The following RBFOX1 variants were observed in gnomAD, a reference collection of about 807,000 sequenced individuals.
RBFOX1 encodes RNA binding fox-1 homolog 1, also known as RNA binding protein fox-1 homolog 1.
A neutral mutation model predicts 57.7 loss-of-function variants in RBFOX1; 8 were observed. The ratio of observed to expected loss-of-function variants is 0.14; its 90% CI spans 0.08 to 0.25. The LOEUF is 0.25. Ranked by LOEUF, RBFOX1 falls within the 10% of genes least tolerant of loss-of-function variation. The pLI is 1.00. For missense variants in RBFOX1, 611 were observed against 548.5 expected (o/e 1.11, Z -1.14); for synonymous variants, 326 against 222.4 (o/e 1.47, Z -4.15).
intron 3 of RBFOX1, among the ~76,000 whole-genome samples, chr16:5,735,869 C>G (rs904930505): frequency 6.6e-6 from 1 of 152,128 alleles, no homozygotes; most frequent in Non-Finnish European, 1.5e-5. Flanking sequence ...GAGCAAGACT[C>G]TGTCTCAAAA....
chr16:6,963,677 T>C (rs2083475583), intron 3 of RBFOX1, among the ~76,000 whole-genome samples: 1 of 152,038 alleles, frequency 6.6e-6, no homozygotes, highest in African/African-American at 2.4e-5. Context: ...AGGCAGAGCA[T>C]AGAGGATTTA....
At chr16:5,341,858 C>T (rs1306195221) in intron 1 of RBFOX1, among the ~76,000 whole-genome samples, 1 of 152,122 alleles carries the variant, frequency 6.6e-6, no homozygotes, top group East Asian at 1.9e-4. Context: ...AGTTAGGCAT[C>T]CCAGCAGAGC....
chr16:5,766,297 C>G (rs1215842530), intron 3 of RBFOX1, among the ~76,000 whole-genome samples: 2 of 152,068 alleles, frequency 1.3e-5, no homozygotes, highest in East Asian at 1.9e-4. Context: ...CTTTAAAATA[C>G]AGATCTGGGC....
intron 4 of RBFOX1, among the ~76,000 whole-genome samples, chr16:7,359,446 A>G (rs561433217): frequency 6.6e-6 from 1 of 152,330 alleles, no homozygotes; most frequent in Admixed American, 6.5e-5. Flanking sequence ...ATTTACCTTC[A>G]TTAAATAACT....
At chr16:6,637,264 AATATATAT>A (rs1309665125) in intron 2 of RBFOX1, among the ~76,000 whole-genome samples, 10 of 47,272 alleles carry the variant, frequency 2.1e-4, no homozygotes, top group African/African-American at 1.3e-3. Context: ...ATAATATACA[AATATATAT>A]TATATATTAT....
intron 4 of RBFOX1, among the ~76,000 whole-genome samples, chr16:7,088,591 A>G (rs2060337067): frequency 6.6e-6 from 1 of 152,150 alleles, no homozygotes; most frequent in African/African-American, 2.4e-5. Context: ...TGAAGTGGTA[A>G]CCCGTAGTTA....
At chr16:5,381,435 C>T (rs751357963) in intron 1 of RBFOX1, among the ~76,000 whole-genome samples, 8 of 152,230 alleles carry the variant, frequency 5.3e-5, no homozygotes, top group African/African-American at 9.6e-5. Context: ...ATCTGGCTCA[C>T]GTGCAGATTT....
At chr16:5,342,725 A>G (rs1453235560) in intron 1 of RBFOX1, among the ~76,000 whole-genome samples, 1 of 152,120 alleles carries the variant, frequency 6.6e-6, no homozygotes, top group Non-Finnish European at 1.5e-5. Context: ...CCCAAAGCTC[A>G]TTTCACCTCT....
intron 3 of RBFOX1, among the ~76,000 whole-genome samples, chr16:6,718,903 C>A (rs2065369875): frequency 6.6e-6 from 1 of 151,870 alleles, no homozygotes; most frequent in Non-Finnish European, 1.5e-5. Context: ...TGTACTGTTG[C>A]CTAGGCTGGA....
At chr16:6,625,718 G>C (rs956469753) in intron 2 of RBFOX1, among the ~76,000 whole-genome samples, 1 of 150,614 alleles carries the variant, frequency 6.6e-6, no homozygotes, top group African/African-American at 2.4e-5. Flanking sequence ...TCTTGTTTCT[G>C]TTATTTCCAC....
chr16:7,386,321 T>A (rs1271116978), intron 4 of RBFOX1, among the ~76,000 whole-genome samples: 3 of 152,088 alleles, frequency 2.0e-5, no homozygotes, highest in Non-Finnish European at 4.4e-5. Context: ...GCCATGGTGG[T>A]TGCTGCACCC....
intron 1 of RBFOX1, among the ~76,000 whole-genome samples, chr16:6,022,065 C>T (rs1292394326): frequency 1.3e-5 from 2 of 152,152 alleles, no homozygotes; most frequent in Non-Finnish European, 2.9e-5. Flanking sequence ...CTGCTCTCTG[C>T]ATGTTCCAAG....
At chr16:5,609,588 C>G (rs1302526016) in intron 3 of RBFOX1, among the ~76,000 whole-genome samples, 3 of 152,178 alleles carry the variant, frequency 2.0e-5, no homozygotes, top group Admixed American at 6.5e-5. Flanking sequence ...CAGCGTCACT[C>G]CAGGCCAGAG....
At chr16:5,970,986 A>G (rs951108810) in intron 4 of RBFOX1, among the ~76,000 whole-genome samples, 1 of 152,176 alleles carries the variant, frequency 6.6e-6, no homozygotes, top group African/African-American at 2.4e-5. Flanking sequence ...ATCTCATTCC[A>G]CAAGGAGACA....
chr16:6,043,401 A>G (rs186791856), intron 1 of RBFOX1, among the ~76,000 whole-genome samples: 3 of 152,328 alleles, frequency 2.0e-5, no homozygotes, highest in Admixed American at 1.3e-4. Context: ...ATTTTGGGAT[A>G]CAATATTTTG....
chr16:6,983,333 A>C (rs2089448308), intron 3 of RBFOX1, among the ~76,000 whole-genome samples: 1 of 152,162 alleles, frequency 6.6e-6, no homozygotes, highest in Non-Finnish European at 1.5e-5. Context: ...GCCGTAAATA[A>C]ATGAGGAAAG....
intron 1 of RBFOX1, among the ~76,000 whole-genome samples, chr16:5,393,881 G>A (rs1044561953): frequency 2.0e-5 from 3 of 151,960 alleles, no homozygotes; most frequent in East Asian, 3.9e-4. Flanking sequence ...TCCCATTCAC[G>A]TTTCCCCCTA....
At chr16:7,504,695 G>A (rs2072186914) in intron 4 of RBFOX1, among the ~76,000 whole-genome samples, 1 of 119,896 alleles carries the variant, frequency 8.3e-6, no homozygotes, top group Admixed American at 9.2e-5. Context: ...AGCTCCTGTG[G>A]AGATGAAGTG....
chr16:6,534,956 C>T (rs1011000365), intron 2 of RBFOX1, among the ~76,000 whole-genome samples: 1 of 152,298 alleles, frequency 6.6e-6, no homozygotes, highest in Non-Finnish European at 1.5e-5. Context: ...TGTTTGGTTT[C>T]TGTAGCAGGA....
Sources: allele counts gnomAD v4.1 joint callset (sites outside exome capture counted in the v4.1 genomes callset), GRCh38; gene constraint gnomAD v4.1.1; transcripts MANE v1.5; gene names NCBI Gene and HGNC (gene_info 2026-07-23, HGNC 2026-07-21).